Variants in IMMP2L observed in about 807,000 individuals in gnomAD.
IMMP2L encodes the protein mitochondrial inner membrane protease subunit 2.
A neutral mutation model predicts 19.3 loss-of-function variants in IMMP2L; 18 were observed. The ratio of observed to expected loss-of-function variants is 0.93; its 90% CI spans 0.64 to 1.38. The LOEUF is 1.38. IMMP2L is among the 40% of genes most tolerant of loss of function. IMMP2L has a pLI of 0.00. For synonymous variants in IMMP2L, 76 were observed against 73.0 expected (o/e 1.04, Z -0.21); for missense variants, 233 against 218.2 (o/e 1.07, Z -0.43).
intron 3 of IMMP2L, among the ~76,000 whole-genome samples, chr7:111,464,028 T>C (rs560007206): frequency 1.3e-5 from 2 of 152,298 alleles, no homozygotes; most frequent in Admixed American, 6.5e-5. Context: ...CACACTTATA[T>C]CTTAATCTAG....
chr7:111,426,273 T>C (rs1184990138), intron 3 of IMMP2L, among the ~76,000 whole-genome samples: 2 of 151,258 alleles, frequency 1.3e-5, no homozygotes, highest in Non-Finnish European at 3.0e-5. Context: ...CATACTGATT[T>C]TAGAAGATTC....
chr7:111,145,991 T>C (rs1803424429), intron 3 of IMMP2L, among the ~76,000 whole-genome samples: 1 of 152,082 alleles, frequency 6.6e-6, no homozygotes, highest in African/African-American at 2.4e-5. Flanking sequence ...GCACATATAC[T>C]GACTTAGGAG....
intron 5 of IMMP2L, chr7:110,664,767 A>G (rs1398847962): frequency 6.6e-6 from 1 of 152,244 alleles, no homozygotes; most frequent in Non-Finnish European, 1.5e-5. Context: ...ACTCATATTT[A>G]GCACATATTT....
At chr7:111,284,754 A>G (rs1230470067) in intron 3 of IMMP2L, among the ~76,000 whole-genome samples, 1 of 152,210 alleles carries the variant, frequency 6.6e-6, no homozygotes, top group Non-Finnish European at 1.5e-5. Context: ...TAGCTCAGCT[A>G]TGACAATGTA....
intron 3 of IMMP2L, among the ~76,000 whole-genome samples, chr7:111,109,354 G>C (rs1438603956): frequency 4.0e-5 from 6 of 151,604 alleles, no homozygotes; most frequent in Non-Finnish European, 5.9e-5. Flanking sequence ...AACTACAAAA[G>C]CATCTTAATT....
intron 3 of IMMP2L, among the ~76,000 whole-genome samples, chr7:111,321,510 A>C (rs1016982838): frequency 2.0e-5 from 3 of 151,984 alleles, no homozygotes; most frequent in East Asian, 3.9e-4. Context: ...AAACTACAAC[A>C]ATCTTTTTTT....
chr7:110,682,436 T>C (rs764098311), intron 5 of IMMP2L, among the ~76,000 whole-genome samples: 3 of 152,240 alleles, frequency 2.0e-5, no homozygotes, highest in Non-Finnish European at 2.9e-5. Context: ...TCCAAATACA[T>C]GATATAAAAT....
intron 4 of IMMP2L, among the ~76,000 whole-genome samples, chr7:110,956,094 T>C (rs974194715): frequency 2.0e-4 from 30 of 152,062 alleles, no homozygotes; most frequent in African/African-American, 7.0e-4. Context: ...CAATAGTACA[T>C]TTAAAATCAA....
At chr7:110,725,049 A>C (rs887429722) in intron 5 of IMMP2L, among the ~76,000 whole-genome samples, 8 of 152,192 alleles carry the variant, frequency 5.3e-5, no homozygotes, top group Non-Finnish European at 8.8e-5. Context: ...GATAAAATGA[A>C]GCGGTACCTG....
chr7:111,311,497 A>C (rs1823510915), intron 3 of IMMP2L, among the ~76,000 whole-genome samples: 1 of 152,158 alleles, frequency 6.6e-6, no homozygotes, highest in Non-Finnish European at 1.5e-5. Flanking sequence ...CCCTTTCCAC[A>C]ATGTACAATC....
intron 5 of IMMP2L, among the ~76,000 whole-genome samples, chr7:110,805,091 C>G (rs1355963254): frequency 6.6e-6 from 1 of 152,070 alleles, no homozygotes; most frequent in Admixed American, 6.6e-5. Flanking sequence ...ATTTCTTAAT[C>G]TTGAACAAAG....
At chr7:110,957,937 TTGTC>T (rs932326554) in intron 4 of IMMP2L, among the ~76,000 whole-genome samples, 7 of 152,006 alleles carry the variant, frequency 4.6e-5, no homozygotes, top group Non-Finnish European at 1.0e-4. Flanking sequence ...TATTTGTTTA[TTGTC>T]TGCTTCTAAC....
rs529404018 is a variant in IMMP2L, at chr7:110,861,328, G to C, written c.408+25265C>G. ...TCTTGCGTCGGCTGCACTCAGGCTA[G>C]AGTGCAGTGTTGCAATATTGGCTCA... On this transcript the variant is annotated intron_variant, in intron 5 of 5. Coordinates refer to ENST00000405709, the MANE Select transcript of IMMP2L (RefSeq NM_032549.4). Among the ~76,000 whole-genome samples the C allele has an allele frequency of 2.5e-4, 38 of 151,948 alleles. No individual in the cohort carries two copies. In the South Asian group the frequency reaches 5.4e-3, roughly 22 times the overall value.
At chr7:111,542,652 A>G (rs1278916659) in intron 1 of IMMP2L, among the ~76,000 whole-genome samples, 4 of 152,206 alleles carry the variant, frequency 2.6e-5, no homozygotes, top group African/African-American at 9.6e-5. Context: ...CTGCTACTGC[A>G]GCATTCAGAT....
chr7:110,736,252 T>C (rs952753312), intron 5 of IMMP2L, among the ~76,000 whole-genome samples: 1 of 152,162 alleles, frequency 6.6e-6, no homozygotes, highest in African/African-American at 2.4e-5. Context: ...GGCAGGGCTA[T>C]CACAGAAAGC....
chr7:111,155,221 G>A (rs899378653), intron 3 of IMMP2L, among the ~76,000 whole-genome samples: 1 of 152,046 alleles, frequency 6.6e-6, no homozygotes, highest in African/African-American at 2.4e-5. Flanking sequence ...TTCCTTAAGT[G>A]GAATGCAGAT....
At chr7:110,712,984 C>T (rs1794994748) in intron 5 of IMMP2L, among the ~76,000 whole-genome samples, 1 of 151,970 alleles carries the variant, frequency 6.6e-6, no homozygotes, top group African/African-American at 2.4e-5. Flanking sequence ...GTCACTCACG[C>T]TGGGAGCTGT....
At chr7:110,739,649 G>A (rs1301871627) in intron 5 of IMMP2L, among the ~76,000 whole-genome samples, 2 of 152,044 alleles carry the variant, frequency 1.3e-5, no homozygotes, top group Non-Finnish European at 2.9e-5. Context: ...CACTAGACAG[G>A]TCATCAAGAC....
intron 3 of IMMP2L, among the ~76,000 whole-genome samples, chr7:111,413,571 T>C (rs545937769): frequency 2.0e-5 from 3 of 152,166 alleles, no homozygotes; most frequent in East Asian, 3.9e-4. Context: ...ATCAATGTAA[T>C]TTACCATATT....
Sources: allele counts gnomAD v4.1 joint callset (sites outside exome capture counted in the v4.1 genomes callset), GRCh38; gene constraint gnomAD v4.1.1; transcripts MANE v1.5; gene names NCBI Gene and HGNC (gene_info 2026-07-23, HGNC 2026-07-21).